The following FCHSD2 variants were observed in gnomAD, a reference collection of about 807,000 sequenced individuals.
The protein encoded by FCHSD2 is F-BAR and double SH3 domains protein 2.
FCHSD2 carries 38 observed loss-of-function variants against 108.1 expected under a neutral mutation model. The observed-to-expected ratio is 0.35, with a 90% CI of 0.27 to 0.46. The LOEUF (loss-of-function observed/expected upper bound fraction) is 0.46. Ranked by LOEUF, FCHSD2 falls within the 20% of genes least tolerant of loss-of-function variation. The probability of loss-of-function intolerance (pLI) is 1.00; values close to 1 mark genes in which losing one functional copy is unlikely to be tolerated. For missense variants in FCHSD2, 751 were observed against 897.8 expected, an observed-to-expected ratio of 0.84 and a Z score of 2.09; for synonymous variants, 279 against 314.7, an observed-to-expected ratio of 0.89 and a Z score of 1.20.
chr11:72,980,740 ATGTG>A (rs1023713888), intron 8 of FCHSD2, among the ~76,000 whole-genome samples: 1 of 150,358 alleles, frequency 6.7e-6, no homozygotes, highest in Non-Finnish European at 1.5e-5. Flanking sequence ...ATATGTATAT[ATGTG>A]TGTGTATATA....
chr11:72,922,618 G>A (rs924104071), intron 8 of FCHSD2, among the ~76,000 whole-genome samples: 6 of 151,866 alleles, frequency 4.0e-5, no homozygotes, highest in Admixed American at 2.0e-4. Context: ...AATAAAAACC[G>A]TGGAAACTGT....
At chr11:72,906,048 CCCA>C (rs1591385647) in intron 9 of FCHSD2, among the ~76,000 whole-genome samples, 1 of 152,218 alleles carries the variant, frequency 6.6e-6, no homozygotes, top group Non-Finnish European at 1.5e-5. Context: ...AATTTACACT[CCCA>C]CCAACAGTGT....
chr11:73,032,356 G>T (rs560169547), intron 3 of FCHSD2, among the ~76,000 whole-genome samples: 1 of 152,170 alleles, frequency 6.6e-6, no homozygotes, highest in East Asian at 1.9e-4. Flanking sequence ...GGCTTCCCAA[G>T]AAACTAATAT....
intron 2 of FCHSD2, among the ~76,000 whole-genome samples, chr11:73,092,722 T>C (rs938401021): frequency 1.3e-5 from 2 of 152,194 alleles, no homozygotes; most frequent in African/African-American, 4.8e-5. Flanking sequence ...TACATCCACA[T>C]GGACCAATCA....
intron 3 of FCHSD2, among the ~76,000 whole-genome samples, chr11:73,044,819 C>T (rs1485943269): frequency 6.6e-6 from 1 of 152,068 alleles, no homozygotes; most frequent in Non-Finnish European, 1.5e-5. Flanking sequence ...GCCTGTAATC[C>T]CAGTACTTTG....
At chr11:72,904,064 G>A (rs1479090541) in intron 9 of FCHSD2, among the ~76,000 whole-genome samples, 4 of 152,200 alleles carry the variant, frequency 2.6e-5, no homozygotes, top group African/African-American at 4.8e-5. Context: ...AATACACCAC[G>A]GAGTGTGTAA....
chr11:72,952,645 A>C (rs1293602609), intron 8 of FCHSD2, among the ~76,000 whole-genome samples: 1 of 152,150 alleles, frequency 6.6e-6, no homozygotes, highest in Non-Finnish European at 1.5e-5. Context: ...TTTGGTAAGA[A>C]AATTTGGTTA....
chr11:72,872,405 T>C (rs938129540), intron 12 of FCHSD2, among the ~76,000 whole-genome samples: 1 of 151,842 alleles, frequency 6.6e-6, no homozygotes, highest in Non-Finnish European at 1.5e-5. Context: ...GAATATTTTA[T>C]CACCTCCAAA....
chr11:72,967,959 C>T lies in FCHSD2; in HGVS notation c.705+16129G>A, dbSNP rs189123668. 1.6e-3 allele frequency among the ~76,000 whole-genome samples: 246 copies of T among 151,872 alleles called. 1 individual carries two copies. The highest frequency in any genetic ancestry group is 5.5e-3 in the African/African-American group (228 of 41,408). On this transcript the variant is annotated intron_variant, in intron 8 of 19. Transcript: ENST00000409418. ...ACAAAAAATTAGCCGGGTATGGTGG[C>T]GGGCACCTGTAGTCCCAGCTACTCA...
intron 13 of FCHSD2, among the ~76,000 whole-genome samples, chr11:72,852,656 TG>T (rs1208107923): frequency 6.6e-6 from 1 of 151,690 alleles, no homozygotes; most frequent in Non-Finnish European, 1.5e-5. Context: ...AGAGCAAGAT[TG>T]TCTTAAAAAA....
At chr11:73,086,168 A>C (rs1053685691) in intron 2 of FCHSD2, among the ~76,000 whole-genome samples, 1 of 152,164 alleles carries the variant, frequency 6.6e-6, no homozygotes, top group Admixed American at 6.5e-5. Flanking sequence ...AGCACTTTTG[A>C]GAGATAGAGG....
At chr11:73,118,405 C>A (rs1035199187) in intron 2 of FCHSD2, among the ~76,000 whole-genome samples, 8 of 152,164 alleles carry the variant, frequency 5.3e-5, no homozygotes, top group Non-Finnish European at 8.8e-5. Flanking sequence ...CAATTCCTAC[C>A]CTTAAACACC....
chr11:73,010,339 T>A (rs549809554), intron 4 of FCHSD2, among the ~76,000 whole-genome samples: 8 of 152,254 alleles, frequency 5.3e-5, no homozygotes, highest in Admixed American at 3.9e-4. Flanking sequence ...AGAATTTTCT[T>A]GTATCTCATT....
chr11:72,952,018 T>C (rs1156253055), intron 8 of FCHSD2, among the ~76,000 whole-genome samples: 1 of 152,220 alleles, frequency 6.6e-6, no homozygotes, highest in Non-Finnish European at 1.5e-5. Flanking sequence ...AGGGCATTTT[T>C]ATTTTTGGCA....
At chr11:73,081,872 C>T (rs559693369) in intron 3 of FCHSD2, among the ~76,000 whole-genome samples, 1 of 152,146 alleles carries the variant, frequency 6.6e-6, no homozygotes. Flanking sequence ...CAATAAATGT[C>T]AGCTATCATT....
At chr11:72,868,232 G>T (rs981819982) in intron 12 of FCHSD2, among the ~76,000 whole-genome samples, 2 of 152,154 alleles carry the variant, frequency 1.3e-5, no homozygotes, top group African/African-American at 4.8e-5. Flanking sequence ...ATTATCCTCA[G>T]CAAACTAAGG....
intron 3 of FCHSD2, among the ~76,000 whole-genome samples, chr11:73,082,008 G>A (rs974885232): frequency 2.6e-5 from 4 of 151,828 alleles, no homozygotes; most frequent in African/African-American, 9.7e-5. Flanking sequence ...TTCGAGACCA[G>A]CCTGGCCAAC....
At chr11:73,138,322 T>C (rs899921812) in intron 2 of FCHSD2, among the ~76,000 whole-genome samples, 2 of 152,204 alleles carry the variant, frequency 1.3e-5, no homozygotes, top group African/African-American at 4.8e-5. Context: ...AGTGTCCATA[T>C]TCTTGACCAT....
chr11:73,050,002 T>C (rs906139532), intron 3 of FCHSD2, among the ~76,000 whole-genome samples: 1 of 152,230 alleles, frequency 6.6e-6, no homozygotes, highest in Non-Finnish European at 1.5e-5. Context: ...TGAAATACTG[T>C]CACTGAATGA....
Sources: allele counts gnomAD v4.1 joint callset (sites outside exome capture counted in the v4.1 genomes callset), GRCh38; gene constraint gnomAD v4.1.1; transcripts MANE v1.5; gene names NCBI Gene and HGNC (gene_info 2026-07-23, HGNC 2026-07-21).